Variants in TASOR observed in about 807,000 individuals in gnomAD.
TASOR encodes the protein protein TASOR.
In TASOR, 53 loss-of-function variants were observed where a neutral mutation model predicts 178.6. The observed-to-expected ratio is 0.30, with a 90% CI of 0.24 to 0.37. The LOEUF (loss-of-function observed/expected upper bound fraction) is 0.37. TASOR is among the 10% of genes least tolerant of loss of function. The probability of loss-of-function intolerance (pLI) is 1.00; values close to 1 mark genes in which losing one functional copy is unlikely to be tolerated. For missense variants in TASOR, 1,815 were observed against 1,971.4 expected, an observed-to-expected ratio of 0.92 and a Z score of 1.50; for synonymous variants, 713 against 696.2, an observed-to-expected ratio of 1.02 and a Z score of -0.38.
At chr3:56,624,738 A>G (rs2076761810) in intron 22 of TASOR, 90 bp downstream of exon 22, 4 of 1,545,836 alleles carry the variant, frequency 2.6e-6, no homozygotes, top group Non-Finnish European at 3.5e-6. Context: ...TTTCAGAATC[A>G]AAGCTTAGCA....
chr3:56,654,915 T>C (rs2077437863), intron 11 of TASOR, among the ~76,000 whole-genome samples: 2 of 152,214 alleles, frequency 1.3e-5, no homozygotes, highest in Admixed American at 1.3e-4. Flanking sequence ...GCTTGTTAAC[T>C]GCAGATATGA....
intron 11 of TASOR, among the ~76,000 whole-genome samples, chr3:56,660,228 AC>A (rs1221155111): frequency 6.6e-6 from 1 of 151,948 alleles, no homozygotes; most frequent in African/African-American, 2.4e-5. Flanking sequence ...ACGGTGGCTC[AC>A]GCCTCTAATT....
At chr3:56,630,495 T>C (rs1178423831) in intron 18 of TASOR, among the ~76,000 whole-genome samples, 1 of 152,236 alleles carries the variant, frequency 6.6e-6, no homozygotes, top group Non-Finnish European at 1.5e-5. Context: ...ACTTATTCTA[T>C]GCCAGATAAA....
Position 56,660,751 on chromosome 3 carries a change from T to G in TASOR, c.1348A>C (p.Lys450Gln). ...CTCACAAGTTTTTCTCTGTCTAGTT[T>G]TTGCAGTAAACTCTCCATGTTACTT... The part of the protein sequence containing the change: ...IGSNMESLLQ[K>Q]LDREKLVLVK... Residue 450 changes from lysine (K) to glutamine (Q), a missense_variant, in exon 11 of 24, where the codon AAA becomes CAA. Transcript: ENST00000683822. 6.2e-7 allele frequency: 1 copy of G among 1,613,390 alleles called. No homozygotes were observed. Among genetic ancestry groups the G allele is most frequent in the Non-Finnish European group, 8.5e-7 (1 of 1,179,910 alleles).
intron 11 of TASOR, among the ~76,000 whole-genome samples, chr3:56,657,128 G>C (rs528821215): frequency 2.6e-4 from 40 of 151,992 alleles, no homozygotes; most frequent in African/African-American, 8.9e-4. Flanking sequence ...AAGAGTTCAA[G>C]ACCAGCCTGG....
chr3:56,623,406 C>T lies in TASOR; in HGVS notation c.4644G>A (p.Glu1548=), dbSNP rs753361805. 17 of 1,613,610 alleles carry T rather than the reference C, an allele frequency of 1.1e-5. No homozygotes were observed. The Admixed American group carries it at 1.2e-4, about 11-fold the overall frequency. The part of the protein sequence containing the change: ...GTDQKKNTQI[E]LQSSPDVQNS... Reference sequence around the variant, plus strand: ...TTTGCACATCAGGAGACGATTGCAACTCAATTTGAGTATTCTTTTTTTGAT... The same window carrying T: ...TTTGCACATCAGGAGACGATTGCAATTCAATTTGAGTATTCTTTTTTTGAT... Residue 1548 remains glutamate (E), a synonymous_variant, in exon 24 of 24, where the codon GAG becomes GAA. Coordinates refer to ENST00000683822, the MANE Select transcript of TASOR (RefSeq NM_001365635.2).
chr3:56,675,521 C>G (rs1299209401), intron 1 of TASOR, among the ~76,000 whole-genome samples: 1 of 152,148 alleles, frequency 6.6e-6, no homozygotes, highest in African/African-American at 2.4e-5. Context: ...GCAATTAGTT[C>G]TTGAGAATTA....
At chr3:56,673,499 G>T in intron 2 of TASOR, 81 bp downstream of exon 2, 129 of 727,948 alleles carry the variant, frequency 1.8e-4, no homozygotes, top group South Asian at 4.5e-4. Context: ...AAAAATTTTA[G>T]TATTTCTAGA....
At chr3:56,676,918 T>C (rs989241687) in intron 1 of TASOR, among the ~76,000 whole-genome samples, 5 of 152,242 alleles carry the variant, frequency 3.3e-5, no homozygotes, top group African/African-American at 1.2e-4. Context: ...ATTTTAGCTT[T>C]AACAATAAAT....
intron 1 of TASOR, among the ~76,000 whole-genome samples, chr3:56,675,425 C>T (rs1578301380): frequency 6.6e-6 from 1 of 152,142 alleles, no homozygotes; most frequent in Admixed American, 6.5e-5. Flanking sequence ...AATCCACCTG[C>T]CTCGGCCTCC....
At position 56,646,904 on chromosome 3, in the gene TASOR, C is replaced by T. The variant is rs772276439; in HGVS notation, c.1833G>A (p.Val611=). ...CLHAYIFRPE[V]YQLPICKLKE... The stretch of plus-strand genomic sequence containing the variant: ...TTAATTTACAAATAGGTAACTGATA[C>T]ACTTCAGGCCGAAAAATATAGGCAT... The change falls in exon 14 of 24, where the codon GTG becomes GTA. Residue 611 remains valine (V), a synonymous_variant. Coordinates refer to ENST00000683822, the MANE Select transcript of TASOR (RefSeq NM_001365635.2). 34 of 1,610,904 alleles carry T rather than the reference C, an allele frequency of 2.1e-5. No individual in the cohort carries two copies. Among genetic ancestry groups the T allele is most frequent in the Non-Finnish European group, 2.7e-5 (32 of 1,179,308 alleles).
At chr3:56,623,938 G>T in intron 23 of TASOR, 1 of 924,490 alleles carries the variant, frequency 1.1e-6, no homozygotes, top group Non-Finnish European at 1.6e-6. Flanking sequence ...TAGTTGGTTA[G>T]CACTAAATGA....
Position 56,621,481 on chromosome 3 carries a change from C to A in TASOR, c.*1556G>T. The A allele has an allele frequency of 1.8e-6, 2 of 1,132,880 alleles. No individual in the cohort carries two copies. The highest frequency in any genetic ancestry group is 2.5e-6 in the Non-Finnish European group (2 of 786,988). The allele number at this position is 1,132,880 out of a possible 1,614,324, so 70.2% of individuals were successfully genotyped here. ...ATAATTCTAGTTTAACACAACATTG[C>A]AAGTCAGGTGTGCACATTTTACTAA... is the stretch of plus-strand genomic sequence containing the variant. On this transcript the variant is annotated 3_prime_UTR_variant, in exon 24 of 24. Transcript: ENST00000683822.
chr3:56,639,421 A>C (rs75591038), intron 16 of TASOR, among the ~76,000 whole-genome samples: 1 of 127,324 alleles, frequency 7.9e-6, no homozygotes, highest in Non-Finnish European at 1.6e-5. Flanking sequence ...AAAAAAAAAA[A>C]AAGATAATAT....
chr3:56,630,060 G>A (rs1432804462), intron 18 of TASOR, among the ~76,000 whole-genome samples: 1 of 151,724 alleles, frequency 6.6e-6, no homozygotes, highest in African/African-American at 2.4e-5. Flanking sequence ...CTGCCTCCTG[G>A]GTTCACACCA....
chr3:56,646,761 CTTGAG>C lies in TASOR; in HGVS notation c.1971_1975del (p.Asn657LysfsTer3). 2 of 1,613,934 alleles carry C rather than the reference CTTGAG, an allele frequency of 1.2e-6. No individual in the cohort carries two copies. The highest frequency in any genetic ancestry group is 1.7e-6 in the Non-Finnish European group (2 of 1,179,944). On this transcript the variant is annotated frameshift_variant, in exon 14 of 24. Transcript: ENST00000683822. LOFTEE classifies it high-confidence loss of function. ...CTTTCCAGATATAATGGCTTCACCT[CTTGAG>C]TTATTTCGTTTTCCAAATTTCATTT... is the stretch of plus-strand genomic sequence containing the variant.
chr3:56,631,327 T>C (rs75058227), intron 18 of TASOR, among the ~76,000 whole-genome samples: 16,672 of 152,126 alleles, frequency 0.11, 1,270 homozygotes, highest in South Asian at 0.35. Context: ...AAGCCCATGG[T>C]CCCTCTGCTT....
At position 56,621,183 on chromosome 3, in the gene TASOR, C is replaced by CA. The variant is rs144692611; in HGVS notation, c.*1853dup. The CA allele has an allele frequency of 0.064, 9,721 of 151,244 alleles. 520 individuals are homozygous for CA. The highest frequency in any genetic ancestry group is 0.34 in the East Asian group (1,826 of 5,326). The allele number at this position is 151,244 out of a possible 1,614,324, so 9.4% of individuals were successfully genotyped here. On this transcript the variant is annotated 3_prime_UTR_variant, in exon 24 of 24. Transcript: ENST00000683822. Reference sequence around the variant, plus strand: ...CCAAAAAAAAACAAAACAACAACAACAAAAAAAAAACACTGTATGTTAAGG... The same window carrying CA: ...CCAAAAAAAAACAAAACAACAACAACAAAAAAAAAAACACTGTATGTTAAGG...
intron 21 of TASOR, 47 bp downstream of exon 21, chr3:56,626,990 C>T (rs1287197617): frequency 7.0e-6 from 8 of 1,138,988 alleles, no homozygotes; most frequent in African/African-American, 3.1e-5. Flanking sequence ...ATTATGAGTA[C>T]AATGTTAAAA....
Sources: allele counts gnomAD v4.1 joint callset (sites outside exome capture counted in the v4.1 genomes callset), GRCh38; gene constraint gnomAD v4.1.1; transcripts MANE v1.5; gene names NCBI Gene and HGNC (gene_info 2026-07-23, HGNC 2026-07-21).